FCGR2B: variants seen among roughly 807,000 people sequenced by gnomAD.
The protein encoded by FCGR2B is low affinity immunoglobulin gamma Fc region receptor II-b.
FCGR2B carries 18 observed loss-of-function variants against 24.8 expected under a neutral mutation model. That is an observed-to-expected ratio of 0.73 (90% CI 0.50 to 1.08). The LOEUF is 1.08. FCGR2B is among the 50% of genes least tolerant of loss of function. The pLI is 0.00. For synonymous variants in FCGR2B, 79 were observed against 109.8 expected (o/e 0.72, Z 1.75); for missense variants, 215 against 297.6 (o/e 0.72, Z 2.04).
At position 161,677,378 on chromosome 1, in the gene FCGR2B, A is replaced by T. The variant is rs534311877; in HGVS notation, c.855+13A>T. 2 of 1,612,972 alleles carry T rather than the reference A, an allele frequency of 1.2e-6. No individual in the cohort carries two copies. Among genetic ancestry groups the T allele is most frequent in the East Asian group, 4.5e-5 (2 of 44,848 alleles). On this transcript the variant is annotated intron_variant, in intron 7 of 7. Coordinates refer to ENST00000358671, the MANE Select transcript of FCGR2B (RefSeq NM_001394477.1). ...TGACAAAGTTGGGGTGAGTGATCCC[A>T]GCCATCTCCCCCTCCCTTCTCCCCT...
chr1:161,673,299 C>A, intron 4 of FCGR2B, 70 bp downstream of exon 4: 1 of 1,601,336 alleles, frequency 6.2e-7, no homozygotes, highest in East Asian at 2.2e-5. Context: ...TCACATGGGC[C>A]TACATGGAGG....
rs772520569 is a variant in FCGR2B at position 161,673,912 on chromosome 1, A to T, written c.647-48A>T. The T allele has an allele frequency of 9.0e-4, 371 of 414,202 alleles. 1 individual carries two copies. The highest frequency in any genetic ancestry group is 1.9e-3 in the Admixed American group (41 of 21,700). The allele number at this position is 414,202 out of a possible 1,614,324, so 25.7% of individuals were successfully genotyped here. A position where few individuals can be genotyped will look rare whatever the true frequency, so the allele number is the denominator to read the frequency against. On this transcript the variant is annotated intron_variant, in intron 4 of 7. Coordinates refer to ENST00000358671, the MANE Select transcript of FCGR2B (RefSeq NM_001394477.1). ...TAGGACATAGCATTGGATGGGGGGGAGGTGGGACAAGGAGAGTACTGCCTG... is the reference window on the plus strand; with the variant it reads ...TAGGACATAGCATTGGATGGGGGGGTGGTGGGACAAGGAGAGTACTGCCTG...
chr1:161,661,251 AAAGAAAGAAAGG>A (rs777739391), upstream of FCGR2B, among the ~76,000 whole-genome samples: 11,125 of 50,634 alleles, frequency 0.22, 1,597 homozygotes, highest in Middle Eastern at 0.25. Flanking sequence ...AGAAAGAAAG[AAAGAAAGAAAGG>A]AAGGAAGCAA....
In FCGR2B at chr1:161,673,316, A is replaced by G. The variant is rs548612485; in HGVS notation, c.646+87A>G. The G allele has an allele frequency of 1.0e-3, 1,669 of 1,603,576 alleles. 4 individuals are homozygous for G. In the African/African-American group the frequency reaches 0.019, roughly 18 times the overall value. ...ACATGGGCCTACATGGAGGTCTGAG[A>G]AAGGCCACAGCGCAAAATTGGGCAC... On this transcript the variant is annotated intron_variant, in intron 4 of 7. Transcript: ENST00000358671.
rs371903794 is a variant in FCGR2B at position 161,671,542 on chromosome 1, C to A, written c.284C>A (p.Thr95Lys). ...AATGGGAATCTCATTCCCACCCACA[C>A]GCAGCCCAGCTACAGGTTCAAGGCC... ...FHNGNLIPTH[T>K]QPSYRFKANN... Residue 95 changes from threonine (T) to lysine (K), a missense_variant, in exon 3 of 8, where the codon ACG becomes AAG. Coordinates refer to ENST00000358671, the MANE Select transcript of FCGR2B (RefSeq NM_001394477.1). 5 of 1,614,200 alleles carry A rather than the reference C, an allele frequency of 3.1e-6. No individual in the cohort carries two copies. Among genetic ancestry groups the A allele is most frequent in the Non-Finnish European group, 4.2e-6 (5 of 1,180,046 alleles).
the FCGR2B span, among the ~76,000 whole-genome samples, chr1:161,654,364 GTTT>G: frequency 2.4e-4 from 5 of 21,198 alleles, 1 homozygote; most frequent in East Asian, 6.6e-4. Flanking sequence ...AGAGATGTTT[GTTT>G]TTTGTTGTTG....
the FCGR2B span, among the ~76,000 whole-genome samples, chr1:161,654,944 G>A: frequency 7.2e-6 from 1 of 139,174 alleles, no homozygotes; most frequent in Non-Finnish European, 1.7e-5. Flanking sequence ...TAATGAGGCT[G>A]GTTTTCACAG....
chr1:161,653,031 T>C, the FCGR2B span, among the ~76,000 whole-genome samples: 2 of 134,014 alleles, frequency 1.5e-5, no homozygotes, highest in East Asian at 2.0e-4. Context: ...TGCTTCTTAT[T>C]CAGTACTTGC....
In FCGR2B at chr1:161,677,702, A is replaced by G. The variant is rs1682266053; in HGVS notation, c.*149A>G. On this transcript the variant is annotated 3_prime_UTR_variant, in exon 8 of 8. Transcript: ENST00000358671. Reference sequence around the variant, plus strand: ...CCAGAGTCATCTACCTGAGTCCTGAAGCTCCCTGTCCTGAAAGCCACAGAC... The same window carrying G: ...CCAGAGTCATCTACCTGAGTCCTGAGGCTCCCTGTCCTGAAAGCCACAGAC... The G allele has an allele frequency of 3.1e-6, 2 of 639,198 alleles. No homozygotes were observed. The highest frequency in any genetic ancestry group is 1.8e-5 in the African/African-American group (1 of 54,436). The allele number at this position is 639,198 out of a possible 1,614,324, so 39.6% of individuals were successfully genotyped here.
At chr1:161,650,572 C>G in the FCGR2B span, among the ~76,000 whole-genome samples, 1 of 146,944 alleles carries the variant, frequency 6.8e-6, no homozygotes, top group Admixed American at 6.9e-5. Context: ...CAGGGGAAGC[C>G]CTCTCCAGTT....
Position 161,673,113 on chromosome 1 carries a change from C to A in FCGR2B, c.530C>A (p.Ser177Ter). ...GGAAAATCCAAGAAATTTTCCCGTT[C>A]GGATCCCAACTTCTCCATCCCACAA... Reference protein sequence around the residue: ...QNGKSKKFSRSDPNFSIPQAN... With the variant: ...QNGKSKKFSR The change falls in exon 4 of 8, where the codon TCG becomes TAG. Residue 177 changes from serine to a stop codon, truncating the protein, a stop_gained. Transcript: ENST00000358671. LOFTEE classifies it high-confidence loss of function. 3 of 1,612,182 alleles carry A rather than the reference C, an allele frequency of 1.9e-6. No homozygotes were observed. Among genetic ancestry groups the A allele is most frequent in the South Asian group, 1.1e-5 (1 of 90,926 alleles).
intron 3 of FCGR2B, chr1:161,672,256 T>C (rs1414455248): frequency 6.5e-6 from 1 of 154,214 alleles, no homozygotes; most frequent in Non-Finnish European, 1.4e-5. Flanking sequence ...TTGATGATCT[T>C]ACAAAGCTCC....
At chr1:161,652,757 C>A in the FCGR2B span, among the ~76,000 whole-genome samples, 1 of 134,730 alleles carries the variant, frequency 7.4e-6, no homozygotes, top group Admixed American at 8.2e-5. Flanking sequence ...TGGAAATGAG[C>A]ACCCCTCTTA....
chr1:161,677,016 T>G, intron 6 of FCGR2B: 1 of 435,236 alleles, frequency 2.3e-6, no homozygotes, highest in Non-Finnish European at 4.1e-6. Context: ...CCCCACCTCT[T>G]CCCCAATATC....
At chr1:161,675,017 A>G (rs1054287016) in intron 5 of FCGR2B, 6 of 497,866 alleles carry the variant, frequency 1.2e-5, no homozygotes, top group Non-Finnish European at 2.2e-5. Flanking sequence ...GACAGATGCC[A>G]TGGCGTGGAC....
In FCGR2B at chr1:161,677,579, G is replaced by C; in HGVS notation, c.*26G>C. On this transcript the variant is annotated 3_prime_UTR_variant, in exon 8 of 8. Transcript: ENST00000358671. Reference sequence around the variant, plus strand: ...TCTCCATTGTCTTGCATTGGGATTTGAGAAGAAAATCAGAGAGGGAAGATC... The same window carrying C: ...TCTCCATTGTCTTGCATTGGGATTTCAGAAGAAAATCAGAGAGGGAAGATC... 1.3e-6 allele frequency: 2 copies of C among 1,557,250 alleles called. No homozygotes were observed. Among genetic ancestry groups the C allele is most frequent in the Non-Finnish European group, 1.8e-6 (2 of 1,132,192 alleles).
Position 161,678,285 on chromosome 1 carries a change from G to A in FCGR2B, c.*732G>A. 1.8e-5 allele frequency: 4 copies of A among 218,546 alleles called. No individual in the cohort carries two copies. Among genetic ancestry groups the A allele is most frequent in the Non-Finnish European group, 3.7e-5 (4 of 108,888 alleles). The allele number at this position is 218,546 out of a possible 1,614,324, so 13.5% of individuals were successfully genotyped here. ...TTCAACAACAGACTGCATATATGAT[G>A]GTGATCCCATAAAATTATAATACCA... On this transcript the variant is annotated 3_prime_UTR_variant, in exon 8 of 8. Coordinates refer to ENST00000358671, the MANE Select transcript of FCGR2B (RefSeq NM_001394477.1).
intron 4 of FCGR2B, 25 bp from the exon 5 acceptor site, chr1:161,673,935 C>T: frequency 2.2e-6 from 1 of 448,738 alleles, no homozygotes; most frequent in Non-Finnish European, 4.2e-6. Context: ...AGAGTACTGC[C>T]TGTCCTGATG....
chr1:161,655,017 G>C, the FCGR2B span, among the ~76,000 whole-genome samples: 1 of 142,466 alleles, frequency 7.0e-6, no homozygotes, highest in Non-Finnish European at 1.6e-5. Context: ...GAATGGCAGG[G>C]CATAATGAAT....
Sources: allele counts gnomAD v4.1 joint callset (sites outside exome capture counted in the v4.1 genomes callset), GRCh38; gene constraint gnomAD v4.1.1; transcripts MANE v1.5; gene names NCBI Gene and HGNC (gene_info 2026-07-23, HGNC 2026-07-21).